The following ASTN2 variants were observed in gnomAD, a reference collection of about 807,000 sequenced individuals.
The protein encoded by ASTN2 is astrotactin-2.
Under a neutral mutation model 139.8 loss-of-function variants are expected in ASTN2, and 54 were observed. That is an observed-to-expected ratio of 0.39 (90% CI 0.31 to 0.48). The LOEUF is 0.48. Among genes scored for constraint, ASTN2 ranks in the 20% least tolerant of loss-of-function variants. The pLI is 0.95. For missense variants in ASTN2, 1,565 were observed against 1,725.1 expected (o/e 0.91, Z 1.64); for synonymous variants, 756 against 719.5 (o/e 1.05, Z -0.81).
chr9:117,386,981 A>G (rs1451497315), intron 1 of ASTN2, among the ~76,000 whole-genome samples: 1 of 152,150 alleles, frequency 6.6e-6, no homozygotes, highest in African/African-American at 2.4e-5. Flanking sequence ...TCCTGCCACC[A>G]ACACCCTCTG....
chr9:116,788,154 A>AG (rs1830427767), intron 13 of ASTN2, among the ~76,000 whole-genome samples: 1 of 152,074 alleles, frequency 6.6e-6, no homozygotes, highest in Non-Finnish European at 1.5e-5. Context: ...TATCAGAGGC[A>AG]GGGGGTGGGA....
At chr9:116,527,767 C>T (rs1851157944) in intron 19 of ASTN2, among the ~76,000 whole-genome samples, 1 of 152,034 alleles carries the variant, frequency 6.6e-6, no homozygotes, top group East Asian at 1.9e-4. Flanking sequence ...CACCCCCATG[C>T]TGTTCTCATG....
At chr9:116,603,677 G>C (rs1013421666) in intron 19 of ASTN2, among the ~76,000 whole-genome samples, 2 of 152,238 alleles carry the variant, frequency 1.3e-5, no homozygotes, top group Non-Finnish European at 2.9e-5. Context: ...ACACAAGGTA[G>C]TATAGATTTA....
At chr9:117,271,821 G>A (rs774067392) in intron 2 of ASTN2, among the ~76,000 whole-genome samples, 1 of 152,196 alleles carries the variant, frequency 6.6e-6, no homozygotes, top group Non-Finnish European at 1.5e-5. Flanking sequence ...GGTTCCCAAC[G>A]TCTTGGGCAG....
intron 1 of ASTN2, among the ~76,000 whole-genome samples, chr9:117,390,100 G>A (rs1830504308): frequency 6.6e-6 from 1 of 152,136 alleles, no homozygotes; most frequent in Non-Finnish European, 1.5e-5. Context: ...AGAGAAAACA[G>A]CAATGCTTGG....
intron 10 of ASTN2, among the ~76,000 whole-genome samples, chr9:116,972,863 G>T (rs1303164889): frequency 6.6e-6 from 1 of 152,100 alleles, no homozygotes; most frequent in Non-Finnish European, 1.5e-5. Flanking sequence ...CTTTGACTCT[G>T]CTTTTCCACG....
At chr9:116,633,983 T>C (rs1434429877) in intron 17 of ASTN2, among the ~76,000 whole-genome samples, 1 of 152,106 alleles carries the variant, frequency 6.6e-6, no homozygotes, top group Non-Finnish European at 1.5e-5. Flanking sequence ...GGAAAGGATG[T>C]TACACGTGAC....
intron 5 of ASTN2, among the ~76,000 whole-genome samples, chr9:117,091,521 G>A (rs918886211): frequency 1.3e-5 from 2 of 152,154 alleles, no homozygotes; most frequent in Non-Finnish European, 2.9e-5. Flanking sequence ...ATTAACTCAG[G>A]TATGGACAGC....
At chr9:117,055,528 A>G (rs1381133721) in intron 5 of ASTN2, among the ~76,000 whole-genome samples, 1 of 152,238 alleles carries the variant, frequency 6.6e-6, no homozygotes, top group Non-Finnish European at 1.5e-5. Flanking sequence ...GAAGGATGAG[A>G]TCTACAATAT....
chr9:117,067,449 C>CA (rs1455960084), intron 5 of ASTN2, among the ~76,000 whole-genome samples: 1 of 102,498 alleles, frequency 9.8e-6, no homozygotes, highest in Non-Finnish European at 2.1e-5. Flanking sequence ...GTGATGCCTC[C>CA]AGCTTTGTTC....
rs1293574944 is a variant in ASTN2, at chr9:117,060,345, A to AGAAG, written c.1277-20381_1277-20380insCTTC. ...AAGAAAGAAAGAAAGAAAGAAAGAG[A>AGAAG]GAAAGAAAGAAAGAAAGAAAGAAAG... is the stretch of plus-strand genomic sequence containing the variant. On this transcript the variant is annotated intron_variant, in intron 5 of 22. Coordinates refer to ENST00000313400, the MANE Select transcript of ASTN2 (RefSeq NM_001365068.1). 3.1e-4 allele frequency among the ~76,000 whole-genome samples: 15 copies of AGAAG among 48,336 alleles called. 1 individual carries two copies. In the East Asian group the frequency reaches 5.8e-3, roughly 19 times the overall value. 31.7% of individuals were successfully genotyped at this position (48,336 alleles called of 152,430 possible). A position where few individuals can be genotyped will look rare whatever the true frequency, so the allele number is the denominator to read the frequency against.
intron 10 of ASTN2, among the ~76,000 whole-genome samples, chr9:116,880,183 CTA>C (rs1436898870): frequency 6.6e-6 from 1 of 152,072 alleles, no homozygotes; most frequent in Admixed American, 6.6e-5. Context: ...GCTAACACAC[CTA>C]TGTTTGTTGC....
chr9:117,138,940 G>A (rs556350428), intron 4 of ASTN2, among the ~76,000 whole-genome samples: 3 of 152,060 alleles, frequency 2.0e-5, no homozygotes, highest in Non-Finnish European at 4.4e-5. Context: ...CCTAATAGTA[G>A]GGGCTTAGTT....
intron 13 of ASTN2, among the ~76,000 whole-genome samples, chr9:116,767,431 C>T (rs763543187): frequency 8.5e-5 from 13 of 152,178 alleles, no homozygotes; most frequent in Non-Finnish European, 1.3e-4. Flanking sequence ...AGACACATTC[C>T]GCTGAACTCA....
chr9:117,370,383 C>A (rs1829958048), intron 1 of ASTN2, among the ~76,000 whole-genome samples: 1 of 152,170 alleles, frequency 6.6e-6, no homozygotes, highest in Non-Finnish European at 1.5e-5. Flanking sequence ...ACCAAAGGCA[C>A]ACGGCCTCTA....
At chr9:116,898,792 C>T (rs1321063764) in intron 10 of ASTN2, among the ~76,000 whole-genome samples, 1 of 152,180 alleles carries the variant, frequency 6.6e-6, no homozygotes, top group Non-Finnish European at 1.5e-5. Context: ...ATTTAAGCCA[C>T]CCAAGTAGTG....
chr9:116,524,529 T>C (rs758169553), intron 19 of ASTN2, among the ~76,000 whole-genome samples: 9 of 152,036 alleles, frequency 5.9e-5, no homozygotes, highest in Non-Finnish European at 1.0e-4. Context: ...ATGACATGAG[T>C]TCCAGTTCAG....
intron 17 of ASTN2, among the ~76,000 whole-genome samples, chr9:116,626,814 C>T (rs1856490109): frequency 6.6e-6 from 1 of 152,084 alleles, no homozygotes; most frequent in Non-Finnish European, 1.5e-5. Context: ...AATTGATGAA[C>T]ACAGGAAGGA....
At chr9:116,585,977 A>AATGGGC (rs1300345956) in intron 19 of ASTN2, 2 of 152,212 alleles carry the variant, frequency 1.3e-5, no homozygotes, top group Non-Finnish European at 2.9e-5. Context: ...CCAATAAAAA[A>AATGGGC]ATGGGCAAAA....
Sources: allele counts gnomAD v4.1 joint callset (sites outside exome capture counted in the v4.1 genomes callset), GRCh38; gene constraint gnomAD v4.1.1; transcripts MANE v1.5; gene names NCBI Gene and HGNC (gene_info 2026-07-23, HGNC 2026-07-21).